Variants in GFOD1 observed in about 807,000 individuals in gnomAD.
GFOD1 encodes the protein glucose-fructose oxidoreductase domain-containing protein 1.
In GFOD1, 9 loss-of-function variants were observed where a neutral mutation model predicts 25.4. That is an observed-to-expected ratio of 0.35 (90% CI 0.21 to 0.62). The LOEUF (loss-of-function observed/expected upper bound fraction) is 0.62. GFOD1 is among the 20% of genes least tolerant of loss of function. The pLI, the probability that GFOD1 is intolerant of heterozygous loss-of-function variation, is 0.72. For missense variants in GFOD1, 403 were observed against 556.9 expected (o/e 0.72, Z 2.78); for synonymous variants, 253 against 245.6 (o/e 1.03, Z -0.28).
chr6:13,451,706 A>G (rs1312894832), intron 1 of GFOD1, among the ~76,000 whole-genome samples: 1 of 152,216 alleles, frequency 6.6e-6, no homozygotes, highest in African/African-American at 2.4e-5. Context: ...CAGCAATTGC[A>G]GAAGGTGGCA....
intron 1 of GFOD1, among the ~76,000 whole-genome samples, chr6:13,449,372 C>T (rs926496416): frequency 1.3e-5 from 2 of 152,208 alleles, no homozygotes; most frequent in Non-Finnish European, 2.9e-5. Context: ...TGCATACTCT[C>T]CTCTCCTTAG....
At chr6:13,389,720 A>G (rs927117340) in intron 1 of GFOD1, among the ~76,000 whole-genome samples, 15 of 152,086 alleles carry the variant, frequency 9.9e-5, no homozygotes, top group African/African-American at 3.1e-4. Flanking sequence ...TATGTAACAA[A>G]CCTGCAAGTT....
At chr6:13,415,675 C>A (rs914680598) in intron 1 of GFOD1, among the ~76,000 whole-genome samples, 29 of 152,204 alleles carry the variant, frequency 1.9e-4, no homozygotes, top group African/African-American at 7.0e-4. Context: ...GCTGGGCAAG[C>A]TGACCTCTTC....
chr6:13,441,714 G>A (rs1374411908), intron 1 of GFOD1, among the ~76,000 whole-genome samples: 9 of 151,942 alleles, frequency 5.9e-5, no homozygotes, highest in African/African-American at 1.9e-4. Context: ...AAGTTCCTAT[G>A]GCATATTTCT....
At position 13,358,330 on chromosome 6, in the gene GFOD1, A is replaced by G. The variant is rs1302906276; in HGVS notation, c.*6413T>C. 1 of 152,138 alleles carries G rather than the reference A, an allele frequency of 6.6e-6. No individual in the cohort carries two copies. Among genetic ancestry groups the G allele is most frequent in the African/African-American group, 2.4e-5 (1 of 41,414 alleles). The allele number at this position is 152,138 out of a possible 1,614,324, so 9.4% of individuals were successfully genotyped here. On this transcript the variant is annotated 3_prime_UTR_variant, in exon 2 of 2. Coordinates refer to ENST00000379287, the MANE Select transcript of GFOD1 (RefSeq NM_018988.4). ...TAAGTTTGGTTTTATACATATACAT[A>G]CATATATACTCATGTTTGTAAAACA... is the stretch of plus-strand genomic sequence containing the variant.
chr6:13,425,872 GAA>G (rs35815438), intron 1 of GFOD1, among the ~76,000 whole-genome samples: 4,456 of 130,504 alleles, frequency 0.034, 232 homozygotes, highest in African/African-American at 0.12. Flanking sequence ...GATAAGCTAG[GAA>G]AAAAAAAAAA....
In GFOD1 at chr6:13,358,829, T is replaced by C. The variant is rs1008654315; in HGVS notation, c.*5914A>G. On this transcript the variant is annotated 3_prime_UTR_variant, in exon 2 of 2. Transcript: ENST00000379287. ...ATTGCCACACTAAGCATCAAGCCATTGCATATAATATGTTCTTTTCATGAC... is the reference window on the plus strand; with the variant it reads ...ATTGCCACACTAAGCATCAAGCCATCGCATATAATATGTTCTTTTCATGAC... The C allele has an allele frequency of 1.3e-5, 2 of 152,320 alleles. No homozygotes were observed. The highest frequency in any genetic ancestry group is 3.8e-4 in the East Asian group (2 of 5,204). 9.4% of individuals were successfully genotyped at this position (152,320 alleles called of 1,614,324 possible). A position where few individuals can be genotyped will look rare whatever the true frequency, so the allele number is the denominator to read the frequency against.
intron 1 of GFOD1, 163 bp downstream of exon 1, chr6:13,486,475 G>A (rs1373165945): frequency 1.5e-6 from 1 of 660,174 alleles, no homozygotes; most frequent in Non-Finnish European, 2.6e-6. Flanking sequence ...CGGGGACGAG[G>A]AAGGAGGGAG....
At chr6:13,409,140 A>AGAAAGAAAGAAAGAAAGAAAGAAG (rs1222118098) in intron 1 of GFOD1, among the ~76,000 whole-genome samples, 843 of 49,084 alleles carry the variant, frequency 0.017, 145 homozygotes, top group African/African-American at 0.038. Flanking sequence ...AAAGAAAGAA[A>AGAAAGAAAGAAAGAAAGAAAGAAG]GAAAGAAAGA....
intron 1 of GFOD1, among the ~76,000 whole-genome samples, chr6:13,442,902 T>C (rs1757939411): frequency 1.3e-5 from 2 of 152,244 alleles, no homozygotes. Flanking sequence ...TCAAATCTTA[T>C]TATTTAAGAA....
intron 1 of GFOD1, among the ~76,000 whole-genome samples, chr6:13,424,218 C>T (rs1382230055): frequency 2.0e-5 from 3 of 152,158 alleles, no homozygotes; most frequent in African/African-American, 7.2e-5. Context: ...CACTCCATTG[C>T]TGAGCTCAGG....
intron 1 of GFOD1, among the ~76,000 whole-genome samples, chr6:13,442,944 T>TA (rs1330209320): frequency 6.6e-6 from 1 of 152,224 alleles, no homozygotes; most frequent in East Asian, 1.9e-4. Context: ...CTGCCATAGA[T>TA]AGTGATTCCT....
chr6:13,487,000 C>T lies in GFOD1; in HGVS notation c.-110G>A. 3 of 1,344,146 alleles carry T rather than the reference C, an allele frequency of 2.2e-6. No homozygotes were observed. In the South Asian group the frequency reaches 4.3e-5, roughly 19 times the overall value. 83.3% of individuals were successfully genotyped at this position (1,344,146 alleles called of 1,614,324 possible). A position where few individuals can be genotyped will look rare whatever the true frequency, so the allele number is the denominator to read the frequency against. ...CCCGCTCCTGTAGCCAATCTAGCCG[C>T]GGTGCGCCAGCCGCCGTGCACCGGG... On this transcript the variant is annotated 5_prime_UTR_variant, in exon 1 of 2. Coordinates refer to ENST00000379287, the MANE Select transcript of GFOD1 (RefSeq NM_018988.4).
chr6:13,453,829 G>GGCCATCAGCCTCCA (rs1396377994), intron 1 of GFOD1, among the ~76,000 whole-genome samples: 1 of 152,200 alleles, frequency 6.6e-6, no homozygotes, highest in Non-Finnish European at 1.5e-5. Flanking sequence ...GTCAATCCCA[G>GGCCATCAGCCTCCA]GCCATCAGCC....
Position 13,365,918 on chromosome 6 carries a change from AATAATG to A in GFOD1, c.254-262_254-257del, listed in dbSNP as rs1429165558. Among the ~76,000 whole-genome samples, 39 of 121,670 alleles carry A rather than the reference AATAATG, an allele frequency of 3.2e-4. No individual in the cohort carries two copies. Among genetic ancestry groups the A allele is most frequent in the African/African-American group, 1.0e-3 (39 of 37,970 alleles). The allele number at this position is 121,670 out of a possible 152,430, so 79.8% of individuals were successfully genotyped here. A position where few individuals can be genotyped will look rare whatever the true frequency, so the allele number is the denominator to read the frequency against. On this transcript the variant is annotated intron_variant, in intron 1 of 1. Transcript: ENST00000379287. The surrounding 1 kb of genome is among the most constrained non-coding windows in gnomAD (Gnocchi z 9.2). ...TAATAATAATAATAATAATAATAAT[AATAATG>A]AGCCGGGCGTGGTGGTGCACGCCTG...
rs1404378172 is a variant in GFOD1 at position 13,469,494 on chromosome 6, G to GATAT, written c.253+17140_253+17143dup. ...GTTTCTATACTTTGTCAATAAAAAT[G>GATAT]ATATGGCCTTTGTTCATACAGACCA... On this transcript the variant is annotated intron_variant, in intron 1 of 1. Transcript: ENST00000379287. 4 of 991,634 alleles carry GATAT rather than the reference G, an allele frequency of 4.0e-6. No individual in the cohort carries two copies. In the East Asian group the frequency reaches 4.2e-4, roughly 105 times the overall value. The allele number at this position is 991,634 out of a possible 1,614,324, so 61.4% of individuals were successfully genotyped here.
intron 1 of GFOD1, among the ~76,000 whole-genome samples, chr6:13,467,708 G>T (rs1428907702): frequency 2.6e-5 from 4 of 152,222 alleles, no homozygotes; most frequent in Non-Finnish European, 5.9e-5. Flanking sequence ...AGAGAAAAAT[G>T]ATAGGACTGT....
At chr6:13,486,554 G>A (rs1394259090) in intron 1 of GFOD1, 84 bp downstream of exon 1, 16 of 1,153,808 alleles carry the variant, frequency 1.4e-5, no homozygotes, top group Non-Finnish European at 2.0e-5. Context: ...CTGGGATGCG[G>A]AGAGGGAAAG....
At position 13,475,727 on chromosome 6, in the gene GFOD1, A is replaced by G. The variant is rs1229317496; in HGVS notation, c.253+10911T>C. 0.015 allele frequency among the ~76,000 whole-genome samples: 113 copies of G among 7,320 alleles called. No individual in the cohort carries two copies. The Non-Finnish European group carries it at 0.25, about 16-fold the overall frequency. 4.8% of individuals were successfully genotyped at this position (7,320 alleles called of 152,430 possible). A position where few individuals can be genotyped will look rare whatever the true frequency, so the allele number is the denominator to read the frequency against. On this transcript the variant is annotated intron_variant, in intron 1 of 1. Coordinates refer to ENST00000379287, the MANE Select transcript of GFOD1 (RefSeq NM_018988.4). ...TGCAAGACTCCATCTCAAAATAATA[A>G]TAATAATAATAATAATAATAATAAT...
Sources: allele counts gnomAD v4.1 joint callset (sites outside exome capture counted in the v4.1 genomes callset), GRCh38; gene constraint gnomAD v4.1.1; non-coding constraint Gnocchi (gnomAD v3.1); transcripts MANE v1.5; gene names NCBI Gene and HGNC (gene_info 2026-07-23, HGNC 2026-07-21).